The following UNC5C variants were observed in gnomAD, a reference collection of about 807,000 sequenced individuals.
UNC5C encodes the protein unc-5 netrin receptor C, also known as netrin receptor UNC5C.
A neutral mutation model predicts 99.8 loss-of-function variants in UNC5C; 47 were observed. That is an observed-to-expected ratio of 0.47 (90% CI 0.37 to 0.60). The LOEUF is 0.60. Ranked by LOEUF, UNC5C falls within the 20% of genes least tolerant of loss-of-function variation. The pLI is 0.00. For missense variants in UNC5C, 1,062 were observed against 1,165.9 expected (o/e 0.91, Z 1.30); for synonymous variants, 487 against 452.2 (o/e 1.08, Z -0.98).
rs537259893 is a variant in UNC5C, at chr4:95,299,880, C to G, written c.490+1726G>C. ...GAACCAAACCTTATCAAGAGGAGAC[C>G]TAAGTTTTAGAAAGACTGTGTTTGT... On this transcript the variant is annotated intron_variant, in intron 3 of 15. Coordinates refer to ENST00000453304, the MANE Select transcript of UNC5C (RefSeq NM_003728.4). Among the ~76,000 whole-genome samples the G allele has an allele frequency of 2.0e-5, 3 of 152,190 alleles. No individual in the cohort carries two copies. The South Asian group carries it at 6.2e-4, about 32-fold the overall frequency.
intron 10 of UNC5C, among the ~76,000 whole-genome samples, chr4:95,208,544 C>T (rs76786699): frequency 0.011 from 1,678 of 152,268 alleles, 8 homozygotes; most frequent in Middle Eastern, 0.017. Flanking sequence ...CTATCTCTTC[C>T]GGTCTTTTCT....
chr4:95,432,729 A>G lies in UNC5C; in HGVS notation c.125-97098T>C, dbSNP rs146818715. On this transcript the variant is annotated intron_variant, in intron 1 of 15. Coordinates refer to ENST00000453304, the MANE Select transcript of UNC5C (RefSeq NM_003728.4). ...TCTGTCTTCTGACCTCAAAGGGTCA[A>G]TAAGAACAAACATCAATAAAAGGGA... 2.0e-3 allele frequency among the ~76,000 whole-genome samples: 298 copies of G among 152,210 alleles called. 2 individuals carry two copies. Among genetic ancestry groups the G allele is most frequent in the South Asian group, 7.0e-3 (34 of 4,834 alleles).
rs1439569207 is a variant in UNC5C at position 95,162,705 on chromosome 4, A to C, written c.*6529T>G. The C allele has an allele frequency of 6.6e-6, 1 of 152,170 alleles. No homozygotes were observed. Among genetic ancestry groups the C allele is most frequent in the African/African-American group, 2.4e-5 (1 of 41,432 alleles). The allele number at this position is 152,170 out of a possible 1,614,324, so 9.4% of individuals were successfully genotyped here. The stretch of plus-strand genomic sequence containing the variant: ...CACCACTCAGCAAGGCGCCGGACAG[A>C]TATCCGGAGGGCACTCTGCCTCTGC... On this transcript the variant is annotated 3_prime_UTR_variant, in exon 16 of 16. Coordinates refer to ENST00000453304, the MANE Select transcript of UNC5C (RefSeq NM_003728.4).
chr4:95,365,934 C>T (rs1232357987), intron 1 of UNC5C, among the ~76,000 whole-genome samples: 2 of 133,158 alleles, frequency 1.5e-5, no homozygotes, highest in Admixed American at 1.5e-4. Flanking sequence ...AAAGAATTTT[C>T]TGAGAAGTTT....
At chr4:95,412,727 A>AT (rs1228416034) in intron 1 of UNC5C, among the ~76,000 whole-genome samples, 1 of 152,234 alleles carries the variant, frequency 6.6e-6, no homozygotes, top group Non-Finnish European at 1.5e-5. Flanking sequence ...ATATGTAAAT[A>AT]TTCTTGTGAG....
At chr4:95,363,510 G>C (rs1166097372) in intron 1 of UNC5C, among the ~76,000 whole-genome samples, 5 of 152,098 alleles carry the variant, frequency 3.3e-5, no homozygotes, top group Non-Finnish European at 1.5e-5. Context: ...CAAACTATAA[G>C]TAAATTAGTA....
At chr4:95,352,376 A>C (rs577142594) in intron 1 of UNC5C, among the ~76,000 whole-genome samples, 1 of 152,258 alleles carries the variant, frequency 6.6e-6, no homozygotes, top group South Asian at 2.1e-4. Context: ...TTTAGGTTTC[A>C]GCTCAGGATG....
At chr4:95,234,385 T>C (rs2149374710) in intron 7 of UNC5C, among the ~76,000 whole-genome samples, 1 of 152,134 alleles carries the variant, frequency 6.6e-6, no homozygotes, top group Non-Finnish European at 1.5e-5. Flanking sequence ...GCTTACCTTT[T>C]TTTTATTATA....
At chr4:95,468,696 A>G (rs116443149) in intron 1 of UNC5C, among the ~76,000 whole-genome samples, 2,380 of 152,206 alleles carry the variant, frequency 0.016, 23 homozygotes, top group Middle Eastern at 0.031. Flanking sequence ...GACAATCTTT[A>G]CCATAGAGGA....
intron 1 of UNC5C, among the ~76,000 whole-genome samples, chr4:95,402,580 C>A (rs1383877052): frequency 6.6e-6 from 1 of 152,078 alleles, no homozygotes; most frequent in Non-Finnish European, 1.5e-5. Flanking sequence ...CATTATGGCA[C>A]CTTAGTGTTA....
rs947122003 is a variant in UNC5C, at chr4:95,176,989, G to A, written c.2451+5908C>T. On this transcript the variant is annotated intron_variant, in intron 14 of 15. Coordinates refer to ENST00000453304, the MANE Select transcript of UNC5C (RefSeq NM_003728.4). Reference sequence around the variant, plus strand: ...GTGGGAAAAGCGCAGTACTTGGGGGGGAGTGACCCGATTTTCCAGGTGCCG... The same window carrying A: ...GTGGGAAAAGCGCAGTACTTGGGGGAGAGTGACCCGATTTTCCAGGTGCCG... 2.6e-5 allele frequency among the ~76,000 whole-genome samples: 4 copies of A among 152,228 alleles called. No individual in the cohort carries two copies. The South Asian group carries it at 6.2e-4, about 24-fold the overall frequency.
chr4:95,331,630 T>C (rs1332583850), intron 2 of UNC5C, among the ~76,000 whole-genome samples: 5 of 152,164 alleles, frequency 3.3e-5, no homozygotes, highest in Non-Finnish European at 7.4e-5. Context: ...AGTTCTCATC[T>C]ATCTCTCCTG....
At chr4:95,203,424 T>G (rs1737761597) in intron 11 of UNC5C, among the ~76,000 whole-genome samples, 1 of 152,148 alleles carries the variant, frequency 6.6e-6, no homozygotes, top group Non-Finnish European at 1.5e-5. Context: ...TCTCTGTTAC[T>G]TTTTTTGTTG....
At chr4:95,201,550 A>G (rs547364053) in intron 12 of UNC5C, among the ~76,000 whole-genome samples, 1 of 151,950 alleles carries the variant, frequency 6.6e-6, no homozygotes, top group Non-Finnish European at 1.5e-5. Context: ...GTCCATCTAG[A>G]CAAAATTCCT....
chr4:95,521,653 A>T (rs562688550), intron 1 of UNC5C, among the ~76,000 whole-genome samples: 1 of 152,292 alleles, frequency 6.6e-6, no homozygotes, highest in South Asian at 2.1e-4. Flanking sequence ...CAACATACAC[A>T]TTGTGGAGAG....
At chr4:95,253,358 G>T (rs1271942977) in intron 4 of UNC5C, among the ~76,000 whole-genome samples, 1 of 152,156 alleles carries the variant, frequency 6.6e-6, no homozygotes, top group African/African-American at 2.4e-5. Flanking sequence ...TTACATGGAA[G>T]AAAGTGTTCA....
chr4:95,414,527 A>G (rs1054171083), intron 1 of UNC5C, among the ~76,000 whole-genome samples: 2 of 152,200 alleles, frequency 1.3e-5, no homozygotes, highest in Admixed American at 1.3e-4. Flanking sequence ...GTATAAAGAA[A>G]ATACCTAGCA....
chr4:95,218,008 A>G (rs1410198155), intron 9 of UNC5C, among the ~76,000 whole-genome samples: 4 of 152,216 alleles, frequency 2.6e-5, no homozygotes, highest in Non-Finnish European at 4.4e-5. Flanking sequence ...TTGCCAAGGC[A>G]TTGAAATGAA....
chr4:95,486,854 C>T (rs923757689), intron 1 of UNC5C, among the ~76,000 whole-genome samples: 5 of 151,570 alleles, frequency 3.3e-5, no homozygotes, highest in Non-Finnish European at 4.4e-5. Flanking sequence ...CACCAAAAAA[C>T]CATTTGCTGG....
Sources: allele counts gnomAD v4.1 joint callset (sites outside exome capture counted in the v4.1 genomes callset), GRCh38; gene constraint gnomAD v4.1.1; transcripts MANE v1.5; gene names NCBI Gene and HGNC (gene_info 2026-07-23, HGNC 2026-07-21).